The following ARID4B variants were observed in gnomAD, a reference collection of about 807,000 sequenced individuals.
ARID4B encodes AT-rich interaction domain 4B.
Under a neutral mutation model 147.5 loss-of-function variants are expected in ARID4B, and 26 were observed. The observed-to-expected ratio is 0.18, with a 90% CI of 0.13 to 0.24. The LOEUF (loss-of-function observed/expected upper bound fraction) is 0.24, where lower values mean the gene tolerates loss of function less well. Among genes scored for constraint, ARID4B ranks in the 10% least tolerant of loss-of-function variants. The probability of loss-of-function intolerance (pLI) is 1.00; values close to 1 mark genes in which losing one functional copy is unlikely to be tolerated. For missense variants in ARID4B, 1,179 were observed against 1,511.5 expected, an observed-to-expected ratio of 0.78 and a Z score of 3.65; for synonymous variants, 512 against 507.9, an observed-to-expected ratio of 1.01 and a Z score of -0.11.
At position 235,326,860 on chromosome 1, in the gene ARID4B, C is replaced by T; in HGVS notation, c.6+54G>A. On this transcript the variant is annotated intron_variant, in intron 2 of 23. Transcript: ENST00000264183. ...CCACACGACGACCTCGTCGAAACCT[C>T]CTACTTCCTGAATTCGATAACCCCA... is the stretch of plus-strand genomic sequence containing the variant. The T allele has an allele frequency of 2.5e-6, 4 of 1,609,414 alleles. No individual in the cohort carries two copies. The South Asian group carries it at 4.4e-5, about 18-fold the overall frequency.
At chr1:235,231,259 A>G (rs1309013046) in intron 9 of ARID4B, 70 bp from the exon 10 acceptor site, 9 of 802,632 alleles carry the variant, frequency 1.1e-5, no homozygotes, top group Non-Finnish European at 1.8e-5. Flanking sequence ...TTAAGAATCC[A>G]GATGATTACA....
chr1:235,306,722 C>T (rs868728964), intron 2 of ARID4B, among the ~76,000 whole-genome samples: 10 of 151,810 alleles, frequency 6.6e-5, no homozygotes, highest in African/African-American at 2.4e-4. Flanking sequence ...GTGGTGTGAC[C>T]TCAGCTCACT....
At chr1:235,178,760 C>T (rs1229815310) in intron 20 of ARID4B, among the ~76,000 whole-genome samples, 1 of 151,962 alleles carries the variant, frequency 6.6e-6, no homozygotes, top group Non-Finnish European at 1.5e-5. Flanking sequence ...CCATTCAGTT[C>T]CAATGTCAGA....
At chr1:235,306,244 G>T (rs1007944513) in intron 2 of ARID4B, among the ~76,000 whole-genome samples, 3 of 152,052 alleles carry the variant, frequency 2.0e-5, no homozygotes, top group African/African-American at 7.2e-5. Context: ...GTGCTGGCTG[G>T]GCACGGTGGC....
rs1414101127 is a variant in ARID4B at position 235,168,608 on chromosome 1, T to A, written c.3856A>T (p.Ile1286Leu). The A allele has an allele frequency of 6.2e-7, 1 of 1,614,028 alleles. No homozygotes were observed. The highest frequency in any genetic ancestry group is 8.5e-7 in the Non-Finnish European group (1 of 1,179,964). ...SSSSSPSSSS[I>L]TAAVMLTLAE... is the part of the protein sequence containing the mutation. ...AAAGTTAACATAACAGCAGCTGTTA[T>A]GGAACTGGATGAAGGTGAAGAGGAG... Residue 1286 changes from isoleucine to leucine, a missense_variant, in exon 24 of 24, where the codon ATA becomes TTA. Ile to Leu is a conservative substitution (Grantham distance 5). This residue lies in a region of ARID4B where 357 missense variants were observed against 427.3 expected (regional missense o/e 0.84). Transcript: ENST00000264183.
intron 2 of ARID4B, among the ~76,000 whole-genome samples, chr1:235,293,913 C>CT (rs1672501925): frequency 2.0e-5 from 3 of 152,126 alleles, no homozygotes; most frequent in African/African-American, 4.8e-5. Flanking sequence ...GGAAGTCTGA[C>CT]TTTATGTCAG....
chr1:235,249,206 G>A (rs1280175531), intron 6 of ARID4B, among the ~76,000 whole-genome samples: 2 of 151,936 alleles, frequency 1.3e-5, no homozygotes, highest in Admixed American at 6.6e-5. Context: ...GGTGCTGCAC[G>A]CCTGTAGTCC....
intron 19 of ARID4B, among the ~76,000 whole-genome samples, chr1:235,185,942 C>T (rs1046605587): frequency 6.7e-6 from 1 of 148,982 alleles, no homozygotes; most frequent in Non-Finnish European, 1.5e-5. Flanking sequence ...AGATTTGTGT[C>T]TGTCAGTTCT....
chr1:235,260,237 G>A (rs936194547), intron 3 of ARID4B, among the ~76,000 whole-genome samples: 2 of 152,282 alleles, frequency 1.3e-5, no homozygotes, highest in Middle Eastern at 6.8e-3. Context: ...CTGAAATAGA[G>A]GGGGTGATGC....
At position 235,213,814 on chromosome 1, in the gene ARID4B, C is replaced by A; in HGVS notation, c.1796G>T (p.Gly599Val). 1 of 1,614,056 alleles carries A rather than the reference C, an allele frequency of 6.2e-7. No individual in the cohort carries two copies. The highest frequency in any genetic ancestry group is 8.5e-7 in the Non-Finnish European group (1 of 1,179,966). Residue 599 changes from glycine (G) to valine (V), a missense_variant, in exon 17 of 24, where the codon GGT becomes GTT. Around this residue, in one of 10 missense-constraint regions of ARID4B, gnomAD observed 28 missense variants for 67.6 expected, o/e 0.41. Coordinates refer to ENST00000264183, the MANE Select transcript of ARID4B (RefSeq NM_016374.6). Reference sequence around the variant, plus strand: ...ATGCACCAAGTAAAGGACCTCTCCACCTTCGACATCAGAATCTTTAATACT... The same window carrying A: ...ATGCACCAAGTAAAGGACCTCTCCAACTTCGACATCAGAATCTTTAATACT... ...EASIKDSDVE[G>V]GEVLYLVHYC...
At chr1:235,246,309 A>T in intron 7 of ARID4B, 111 bp downstream of exon 7, 1 of 811,118 alleles carries the variant, frequency 1.2e-6, no homozygotes, top group Non-Finnish European at 2.0e-6. Flanking sequence ...ATCCGAAATT[A>T]CTATTAGATC....
At chr1:235,177,973 T>A in intron 20 of ARID4B, 60 bp from the exon 21 acceptor site, 1 of 944,518 alleles carries the variant, frequency 1.1e-6, no homozygotes, top group Non-Finnish European at 1.6e-6. Flanking sequence ...TAAGTATAAA[T>A]TAATTCCACA....
chr1:235,238,170 A>T (rs927436715), intron 8 of ARID4B, among the ~76,000 whole-genome samples: 8 of 151,710 alleles, frequency 5.3e-5, no homozygotes, highest in African/African-American at 1.9e-4. Flanking sequence ...AAAGAAAAGA[A>T]AAGAAAAAAG....
At chr1:235,255,971 C>T (rs987095437) in intron 4 of ARID4B, among the ~76,000 whole-genome samples, 2 of 151,794 alleles carry the variant, frequency 1.3e-5, no homozygotes, top group African/African-American at 2.4e-5. Context: ...GTCAGGAGTT[C>T]GAGACCAGCC....
At chr1:235,251,924 T>C (rs962372445) in intron 6 of ARID4B, among the ~76,000 whole-genome samples, 1 of 152,186 alleles carries the variant, frequency 6.6e-6, no homozygotes, top group Non-Finnish European at 1.5e-5. Flanking sequence ...GGATATGGCT[T>C]TGGTGCTAGA....
chr1:235,174,798 C>T (rs754357381), intron 22 of ARID4B, among the ~76,000 whole-genome samples: 1 of 151,126 alleles, frequency 6.6e-6, no homozygotes, highest in African/African-American at 2.4e-5. Flanking sequence ...GCCTGGGCGA[C>T]AGAGAGACTC....
chr1:235,177,786 G>C lies in ARID4B; in HGVS notation c.3448+14C>G. 1 of 1,535,850 alleles carries C rather than the reference G, an allele frequency of 6.5e-7. No homozygotes were observed. The highest frequency in any genetic ancestry group is 1.2e-5 in the South Asian group (1 of 85,778). On this transcript the variant is annotated intron_variant, in intron 21 of 23. Coordinates refer to ENST00000264183, the MANE Select transcript of ARID4B (RefSeq NM_016374.6). ...TTATTTTTATATTTTAAAAATTAGA[G>C]ATTTCACACTTACTGCCTTTTCCCT...
chr1:235,236,854 A>T (rs1288640791), intron 8 of ARID4B, among the ~76,000 whole-genome samples: 2 of 38,008 alleles, frequency 5.3e-5, no homozygotes, highest in Non-Finnish European at 1.0e-4. Flanking sequence ...ATATATATAT[A>T]TATATATATT....
chr1:235,315,822 T>G (rs1362469310), intron 2 of ARID4B, among the ~76,000 whole-genome samples: 1 of 152,142 alleles, frequency 6.6e-6, no homozygotes, highest in East Asian at 1.9e-4. Flanking sequence ...CCGATTAGAG[T>G]AAATAATTGA....
Sources: gnomAD v4.1 joint callset for allele counts (sites outside exome capture counted in the v4.1 genomes callset) on GRCh38, gnomAD v4.1.1 for gene constraint, gnomAD v4.1.1 regional missense constraint, MANE v1.5 for transcripts, NCBI Gene and HGNC (gene_info 2026-07-23, HGNC 2026-07-21) for gene names.